PAFAH1B1: variants seen among roughly 807,000 people sequenced by gnomAD.
PAFAH1B1 encodes platelet-activating factor acetylhydrolase IB subunit beta.
PAFAH1B1 carries 2 observed loss-of-function variants against 57.5 expected under a neutral mutation model. The observed-to-expected ratio is 0.03, with a 90% confidence interval of 0.01 to 0.11. The LOEUF is 0.11. Ranked by LOEUF, PAFAH1B1 falls within the 10% of genes least tolerant of loss-of-function variation. The pLI is 1.00. For synonymous variants in PAFAH1B1, 152 were observed against 169.6 expected (o/e 0.90, Z 0.81); for missense variants, 257 against 512.0 (o/e 0.50, Z 4.81).
intron 1 of PAFAH1B1, among the ~76,000 whole-genome samples, chr17:2,597,790 G>A (rs891220978): frequency 6.6e-6 from 1 of 151,816 alleles, no homozygotes; most frequent in Non-Finnish European, 1.5e-5. Context: ...AAGTGTGTGT[G>A]TGTGTGTGTC....
At chr17:2,630,326 T>C (rs2068540132) in intron 1 of PAFAH1B1, among the ~76,000 whole-genome samples, 1 of 152,134 alleles carries the variant, frequency 6.6e-6, no homozygotes, top group African/African-American at 2.4e-5. Context: ...TCTCTCAGCA[T>C]TTGTTTGTCT....
rs1245531690 is a variant in PAFAH1B1, at chr17:2,667,216, G to T, written c.399+18G>T. 7 of 1,593,976 alleles carry T rather than the reference G, an allele frequency of 4.4e-6. No individual in the cohort carries two copies. The highest frequency in any genetic ancestry group is 5.2e-6 in the Non-Finnish European group (6 of 1,161,950). ...CAATTAAGGTAATTTTTTGTTAAAA[G>T]CAGACTTAACGGGAGGCTGAAGCAG... On this transcript the variant is annotated intron_variant, in intron 5 of 10. Coordinates refer to ENST00000397195, the MANE Select transcript of PAFAH1B1 (RefSeq NM_000430.4).
chr17:2,642,610 C>G (rs1250582534), intron 2 of PAFAH1B1, among the ~76,000 whole-genome samples: 1 of 152,164 alleles, frequency 6.6e-6, no homozygotes, highest in African/African-American at 2.4e-5. Context: ...ATAAGAGCTA[C>G]TCAACCTCTA....
chr17:2,652,739 T>C (rs1185186117), intron 2 of PAFAH1B1, among the ~76,000 whole-genome samples: 2 of 152,150 alleles, frequency 1.3e-5, no homozygotes, highest in African/African-American at 2.4e-5. Flanking sequence ...GGGCTTAGTT[T>C]AAGATTGGGT....
At chr17:2,644,823 A>G (rs2068745145) in intron 2 of PAFAH1B1, among the ~76,000 whole-genome samples, 1 of 152,208 alleles carries the variant, frequency 6.6e-6, no homozygotes, top group East Asian at 1.9e-4. Flanking sequence ...CTTCATAATC[A>G]GGATAAGTAT....
chr17:2,671,160 T>A (rs904272063), intron 6 of PAFAH1B1, among the ~76,000 whole-genome samples: 3 of 152,178 alleles, frequency 2.0e-5, no homozygotes, highest in Admixed American at 6.5e-5. Flanking sequence ...TGGGGAAGTT[T>A]ATAATTACAG....
chr17:2,628,944 T>C (rs1356211924), intron 1 of PAFAH1B1, among the ~76,000 whole-genome samples: 1 of 152,204 alleles, frequency 6.6e-6, no homozygotes, highest in Non-Finnish European at 1.5e-5. Flanking sequence ...ATCTCCTGTT[T>C]CATTTCTTAG....
intron 1 of PAFAH1B1, among the ~76,000 whole-genome samples, chr17:2,627,006 G>A (rs1440692581): frequency 1.3e-5 from 2 of 152,186 alleles, no homozygotes; most frequent in Non-Finnish European, 2.9e-5. Flanking sequence ...TTTGTCAGAT[G>A]TATAGATTGT....
At chr17:2,633,272 C>T (rs902091655) in intron 1 of PAFAH1B1, among the ~76,000 whole-genome samples, 1 of 151,384 alleles carries the variant, frequency 6.6e-6, no homozygotes, top group Admixed American at 6.6e-5. Context: ...GGTTCCAGCA[C>T]TTCTCCTCCC....
intron 7 of PAFAH1B1, chr17:2,673,556 G>C (rs893484665): frequency 1.3e-5 from 2 of 158,798 alleles, no homozygotes; most frequent in Non-Finnish European, 2.8e-5. Flanking sequence ...GGAGAATGGC[G>C]TGAACCTGGG....
intron 1 of PAFAH1B1, among the ~76,000 whole-genome samples, chr17:2,628,933 T>G (rs1356006828): frequency 6.6e-6 from 1 of 152,208 alleles, no homozygotes; most frequent in Non-Finnish European, 1.5e-5. Context: ...TCAGTTGTAA[T>G]ATCTCCTGTT....
chr17:2,679,505 G>C (rs559959307), intron 9 of PAFAH1B1, among the ~76,000 whole-genome samples: 31 of 134,372 alleles, frequency 2.3e-4, no homozygotes, highest in African/African-American at 8.5e-4. Flanking sequence ...TGGATGATTG[G>C]ATGGATGGAT....
chr17:2,654,030 A>G lies in PAFAH1B1; in HGVS notation c.33-11342A>G, dbSNP rs190641275. Among the ~76,000 whole-genome samples the G allele has an allele frequency of 7.1e-4, 108 of 151,142 alleles. 1 individual carries two copies. Among genetic ancestry groups the G allele is most frequent in the African/African-American group, 2.2e-3 (92 of 41,018 alleles). ...CACCATGTTAGCCAGGATGGTCTCA[A>G]TCTCCTGACCTGGTGATACACCCGC... is the stretch of plus-strand genomic sequence containing the variant. On this transcript the variant is annotated intron_variant, in intron 2 of 10. Transcript: ENST00000397195.
At chr17:2,610,578 G>C (rs1259280344) in intron 1 of PAFAH1B1, among the ~76,000 whole-genome samples, 1 of 152,136 alleles carries the variant, frequency 6.6e-6, no homozygotes, top group Admixed American at 6.6e-5. Flanking sequence ...GGAAGAAAAA[G>C]AATTGTCTTG....
At chr17:2,597,436 A>C (rs2068096533) in intron 1 of PAFAH1B1, among the ~76,000 whole-genome samples, 1 of 104,260 alleles carries the variant, frequency 9.6e-6, no homozygotes, top group South Asian at 3.0e-4. Context: ...TTTGAGGGGA[A>C]GTCTTGCTCT....
At chr17:2,674,874 A>T (rs906731113) in intron 8 of PAFAH1B1, among the ~76,000 whole-genome samples, 1 of 152,240 alleles carries the variant, frequency 6.6e-6, no homozygotes, top group African/African-American at 2.4e-5. Flanking sequence ...GTACAGCGGC[A>T]CATGGCTATA....
chr17:2,604,190 AC>A (rs1478547985), intron 1 of PAFAH1B1, among the ~76,000 whole-genome samples: 3 of 151,710 alleles, frequency 2.0e-5, no homozygotes. Context: ...AGTGTGTGCC[AC>A]CACACCCGGC....
intron 2 of PAFAH1B1, among the ~76,000 whole-genome samples, chr17:2,664,580 T>G (rs2069071271): frequency 6.6e-6 from 1 of 152,184 alleles, no homozygotes; most frequent in South Asian, 2.1e-4. Flanking sequence ...AATTTTTGTA[T>G]TTTTAGTGGA....
chr17:2,609,448 A>G (rs543870098), intron 1 of PAFAH1B1: 1 of 152,342 alleles, frequency 6.6e-6, no homozygotes, highest in African/African-American at 2.4e-5. Context: ...TTCAAAAATG[A>G]AAAAAAGTAT....
Sources: gnomAD v4.1 joint callset for allele counts (sites outside exome capture counted in the v4.1 genomes callset) on GRCh38, gnomAD v4.1.1 for gene constraint, MANE v1.5 for transcripts, NCBI Gene and HGNC (gene_info 2026-07-23, HGNC 2026-07-21) for gene names.